DDI2: variants seen among roughly 807,000 people sequenced by gnomAD.
The protein encoded by DDI2 is DDI proteasomal shuttling factor 2.
DDI2 carries 5 observed loss-of-function variants against 48.1 expected under a neutral mutation model. The ratio of observed to expected loss-of-function variants is 0.10; its 90% CI spans 0.05 to 0.22. DDI2 has a LOEUF of 0.22. DDI2 is among the 10% of genes least tolerant of loss of function. DDI2 has a pLI of 1.00. For missense variants in DDI2, 285 were observed against 506.2 expected, an observed-to-expected ratio of 0.56 and a Z score of 4.19; for synonymous variants, 205 against 183.6, an observed-to-expected ratio of 1.12 and a Z score of -0.94.
chr1:15,623,800 T>A (rs2103461241), intron 1 of DDI2, among the ~76,000 whole-genome samples: 1 of 152,128 alleles, frequency 6.6e-6, no homozygotes, highest in South Asian at 2.1e-4. Context: ...GTGACTCACG[T>A]CTGTAATCCC....
chr1:15,626,659 CTTG>C lies in DDI2; in HGVS notation c.139-5_139-3del, dbSNP rs780063054. The C allele has an allele frequency of 4.2e-5, 68 of 1,614,154 alleles. No individual in the cohort carries two copies. The African/African-American group carries it at 6.8e-4, about 16-fold the overall frequency. On this transcript the variant is annotated splice_polypyrimidine_tract_variant and splice_region_variant and intron_variant, in intron 1 of 9. Transcript: ENST00000480945. ...TGCTTTATACTGTTGTATATCTTTT[CTTG>C]TTGTAGATCGTCTATGCGGAAAGAC...
Position 15,661,665 on chromosome 1 carries a change from G to A in DDI2, c.*1875G>A. 4 of 1,614,034 alleles carry A rather than the reference G, an allele frequency of 2.5e-6. No homozygotes were observed. The highest frequency in any genetic ancestry group is 2.7e-5 in the African/African-American group (2 of 75,032). On this transcript the variant is annotated 3_prime_UTR_variant, in exon 10 of 10. Coordinates refer to ENST00000480945, the MANE Select transcript of DDI2 (RefSeq NM_032341.5). ...TTGGAGCTTTGCATCGAGTTGGTGGGAATGCAGACCTTGCACTTCTTGTTT... is the reference window on the plus strand; with the variant it reads ...TTGGAGCTTTGCATCGAGTTGGTGGAAATGCAGACCTTGCACTTCTTGTTT...
At chr1:15,647,424 C>T (rs1411644859) in intron 6 of DDI2, among the ~76,000 whole-genome samples, 1 of 152,104 alleles carries the variant, frequency 6.6e-6, no homozygotes, top group South Asian at 2.1e-4. Context: ...GCTGGGATTA[C>T]AGGCGTGAGC....
intron 9 of DDI2, among the ~76,000 whole-genome samples, chr1:15,658,490 C>T (rs958492817): frequency 3.3e-4 from 43 of 131,476 alleles, no homozygotes; most frequent in African/African-American, 1.1e-3. Context: ...TGGTCGGGTG[C>T]GGTGGCTCTT....
intron 1 of DDI2, among the ~76,000 whole-genome samples, chr1:15,619,231 C>A: frequency 6.6e-6 from 1 of 152,032 alleles, no homozygotes; most frequent in East Asian, 1.9e-4. Flanking sequence ...AGCGATTCTC[C>A]TGCCTCAGCC....
intron 4 of DDI2, 123 bp from the exon 5 acceptor site, chr1:15,638,184 A>T: frequency 1.4e-6 from 2 of 1,388,232 alleles, no homozygotes; most frequent in Non-Finnish European, 2.0e-6. Context: ...TTTTTCTATG[A>T]CTCGGCTGCT....
chr1:15,640,809 T>C (rs1639995279), intron 5 of DDI2, among the ~76,000 whole-genome samples: 1 of 152,200 alleles, frequency 6.6e-6, no homozygotes, highest in African/African-American at 2.4e-5. Context: ...TTATAAAGTG[T>C]AGGGTACCTG....
chr1:15,637,747 A>AT (rs959029268), intron 4 of DDI2, among the ~76,000 whole-genome samples: 9 of 151,838 alleles, frequency 5.9e-5, no homozygotes, highest in Non-Finnish European at 8.8e-5. Flanking sequence ...GATGGGTGCA[A>AT]TTTTTTTGTA....
intron 4 of DDI2, 54 bp from the exon 5 acceptor site, chr1:15,638,253 A>AT: frequency 6.2e-7 from 1 of 1,608,430 alleles, no homozygotes; most frequent in Non-Finnish European, 8.5e-7. Context: ...TTTGAAACTG[A>AT]TTTCTCTCCA....
At chr1:15,652,854 AT>A (rs1447046601) in intron 8 of DDI2, among the ~76,000 whole-genome samples, 4 of 151,634 alleles carry the variant, frequency 2.6e-5, no homozygotes, top group Non-Finnish European at 1.5e-5. Flanking sequence ...TTAAAAAAAA[AT>A]TAGCAGGGTG....
intron 8 of DDI2, among the ~76,000 whole-genome samples, chr1:15,653,281 T>A (rs1368643317): frequency 1.3e-5 from 2 of 151,762 alleles, no homozygotes; most frequent in South Asian, 2.1e-4. Context: ...TATTTTATTT[T>A]ATTTTATTTA....
At chr1:15,644,047 T>C (rs556985647) in intron 6 of DDI2, among the ~76,000 whole-genome samples, 2 of 152,370 alleles carry the variant, frequency 1.3e-5, no homozygotes, top group South Asian at 4.1e-4. Context: ...TCATGGCTAG[T>C]ATTATTTTCT....
At chr1:15,634,436 A>G (rs542861840) in intron 4 of DDI2, 3 of 152,312 alleles carry the variant, frequency 2.0e-5, no homozygotes, top group Non-Finnish European at 4.4e-5. Flanking sequence ...GGACCGTGTC[A>G]TCATTCCGGT....
At chr1:15,624,660 C>T (rs1156470182) in intron 1 of DDI2, among the ~76,000 whole-genome samples, 3 of 151,570 alleles carry the variant, frequency 2.0e-5, no homozygotes, top group South Asian at 4.2e-4. Context: ...TTTAGATATG[C>T]GGTCTCACTA....
At position 15,661,609 on chromosome 1, in the gene DDI2, C is replaced by T. The variant is rs772402638; in HGVS notation, c.*1819C>T. ...TCCTGCCACAGATATTGACCGCATT[C>T]TCCGTGCTGGCTTTACTTTGCAGGA... On this transcript the variant is annotated 3_prime_UTR_variant, in exon 10 of 10. Transcript: ENST00000480945. 1.9e-6 allele frequency: 3 copies of T among 1,614,180 alleles called. No homozygotes were observed. Among genetic ancestry groups the T allele is most frequent in the South Asian group, 1.1e-5 (1 of 91,054 alleles).
rs1196746477 is a variant in DDI2 at position 15,662,658 on chromosome 1, C to T, written c.*2868C>T. The T allele has an allele frequency of 6.6e-6, 1 of 152,224 alleles. No homozygotes were observed. The highest frequency in any genetic ancestry group is 1.5e-5 in the Non-Finnish European group (1 of 68,044). 9.4% of individuals were successfully genotyped at this position (152,224 alleles called of 1,614,324 possible). On this transcript the variant is annotated 3_prime_UTR_variant, in exon 10 of 10. Coordinates refer to ENST00000480945, the MANE Select transcript of DDI2 (RefSeq NM_032341.5). The stretch of plus-strand genomic sequence containing the variant: ...TCAGGAATGGATTCATTGCCAGCAG[C>T]TTATTTCCTTTCTAGACTCTTCTGC...
Position 15,630,497 on chromosome 1 carries a change from T to C in DDI2, c.441T>C (p.His147=). 8 of 1,614,212 alleles carry C rather than the reference T, an allele frequency of 5.0e-6. No homozygotes were observed. Among genetic ancestry groups the C allele is most frequent in the Non-Finnish European group, 6.8e-6 (8 of 1,180,028 alleles). ...GAGATATGTTGCTGGCCAACCCGCA[T>C]GAGCTGTCCTTGCTGAAGGAACGCA... ...LLRDMLLANP[H]ELSLLKERNP... is the part of the protein sequence containing the mutation. The change falls in exon 3 of 10, where the codon CAT becomes CAC. Residue 147 remains histidine (H), a synonymous_variant. Coordinates refer to ENST00000480945, the MANE Select transcript of DDI2 (RefSeq NM_032341.5).
chr1:15,655,994 GT>G (rs200394713), intron 8 of DDI2, among the ~76,000 whole-genome samples: 1 of 151,376 alleles, frequency 6.6e-6, no homozygotes, highest in Admixed American at 6.6e-5. Context: ...ATATTAAAAT[GT>G]TTTAAAAAAA....
At chr1:15,625,105 A>G (rs1258885646) in intron 1 of DDI2, among the ~76,000 whole-genome samples, 1 of 152,186 alleles carries the variant, frequency 6.6e-6, no homozygotes, top group African/African-American at 2.4e-5. Flanking sequence ...TTCCAGTTTA[A>G]ATGCTGTGTT....
Sources: gnomAD v4.1 joint callset for allele counts (sites outside exome capture counted in the v4.1 genomes callset) on GRCh38, gnomAD v4.1.1 for gene constraint, MANE v1.5 for transcripts, NCBI Gene and HGNC (gene_info 2026-07-23, HGNC 2026-07-21) for gene names.